Variants in DSCAML1 observed in about 807,000 individuals in gnomAD.
DSCAML1 encodes DS cell adhesion molecule like 1.
A neutral mutation model predicts 200.5 loss-of-function variants in DSCAML1; 38 were observed. The observed-to-expected ratio is 0.19, with a 90% CI of 0.15 to 0.25. DSCAML1 has a LOEUF of 0.25. Among genes scored for constraint, DSCAML1 ranks in the 10% least tolerant of loss-of-function variants. DSCAML1 has a pLI of 1.00. For missense variants in DSCAML1, 2,223 were observed against 2,858.8 expected (o/e 0.78, Z 5.07); for synonymous variants, 1,215 against 1,165.0 (o/e 1.04, Z -0.87).
At chr11:117,661,060 T>C (rs560890717) in intron 3 of DSCAML1, among the ~76,000 whole-genome samples, 13 of 152,290 alleles carry the variant, frequency 8.5e-5, no homozygotes, top group Middle Eastern at 3.4e-3. Flanking sequence ...TTTGCTTTCT[T>C]AGAAATAGTG....
At chr11:117,700,191 G>A (rs2053643604) in intron 3 of DSCAML1, among the ~76,000 whole-genome samples, 1 of 152,206 alleles carries the variant, frequency 6.6e-6, no homozygotes, top group African/African-American at 2.4e-5. Flanking sequence ...GAATGAATGA[G>A]TTTATTCATC....
chr11:117,523,430 C>T (rs781193549), intron 5 of DSCAML1, among the ~76,000 whole-genome samples: 39 of 152,284 alleles, frequency 2.6e-4, no homozygotes, highest in South Asian at 2.1e-4. Flanking sequence ...CTTGTTTGTA[C>T]GAGAGGAACC....
intron 3 of DSCAML1, among the ~76,000 whole-genome samples, chr11:117,669,213 G>C (rs955161188): frequency 2.0e-5 from 3 of 152,216 alleles, no homozygotes; most frequent in Admixed American, 6.5e-5. Context: ...CTGCTGGGGA[G>C]TGCAGCCCTC....
chr11:117,809,275 T>C (rs1565295329), intron 1 of DSCAML1, among the ~76,000 whole-genome samples: 1 of 152,338 alleles, frequency 6.6e-6, no homozygotes, highest in East Asian at 1.9e-4. Context: ...AGCTGCCGCG[T>C]CTGCACTCCT....
chr11:117,714,832 A>G (rs2053920501), intron 3 of DSCAML1, among the ~76,000 whole-genome samples: 1 of 150,234 alleles, frequency 6.7e-6, no homozygotes, highest in Admixed American at 6.6e-5. Context: ...TGAGGAAAAA[A>G]AAAAAAAAAA....
chr11:117,486,421 GAAAATGGCGGATGT>G (rs1290734616), intron 11 of DSCAML1, among the ~76,000 whole-genome samples: 7 of 150,536 alleles, frequency 4.7e-5, no homozygotes, highest in African/African-American at 7.3e-5. Context: ...TGGCGGATGT[GAAAATGGCGGATGT>G]GAAAGTGGCA....
chr11:117,560,307 C>A (rs139393985), intron 3 of DSCAML1, among the ~76,000 whole-genome samples: 1 of 152,082 alleles, frequency 6.6e-6, no homozygotes, highest in African/African-American at 2.4e-5. Flanking sequence ...TCAGGAGGTG[C>A]GCCACTAAGC....
Position 117,780,424 on chromosome 11 carries a change from C to G in DSCAML1, c.364+69G>C. The G allele has an allele frequency of 7.5e-7, 1 of 1,336,952 alleles. No individual in the cohort carries two copies. The highest frequency in any genetic ancestry group is 3.0e-5 in the Admixed American group (1 of 33,504). 82.8% of individuals were successfully genotyped at this position (1,336,952 alleles called of 1,614,324 possible). On this transcript the variant is annotated intron_variant, in intron 2 of 32. Transcript: ENST00000651296. The surrounding 1 kb of genome is among the most constrained non-coding windows in gnomAD (Gnocchi z 4.8). ...GTGAACGACTTCTTGCAAGCCCCTC[C>G]GAATATCCTCAGAATGACGGCGCAG...
At chr11:117,644,065 C>T (rs886346226) in intron 3 of DSCAML1, among the ~76,000 whole-genome samples, 1 of 152,204 alleles carries the variant, frequency 6.6e-6, no homozygotes, top group Non-Finnish European at 1.5e-5. Flanking sequence ...CCCAAGAGCC[C>T]GCCTTCTTTC....
chr11:117,799,108 C>A (rs1211680499), upstream of DSCAML1, among the ~76,000 whole-genome samples: 3 of 152,166 alleles, frequency 2.0e-5, no homozygotes, highest in African/African-American at 7.2e-5. Flanking sequence ...AGTGACAGAG[C>A]CCTCACGTTT....
At chr11:117,738,061 GCC>G (rs1285761124) in intron 3 of DSCAML1, among the ~76,000 whole-genome samples, 2 of 152,214 alleles carry the variant, frequency 1.3e-5, no homozygotes, top group Non-Finnish European at 2.9e-5. Context: ...GATGATGACT[GCC>G]TGAAACAGGC....
At chr11:117,510,703 A>T (rs1027135518) in intron 8 of DSCAML1, among the ~76,000 whole-genome samples, 1 of 152,154 alleles carries the variant, frequency 6.6e-6, no homozygotes, top group African/African-American at 2.4e-5. Context: ...AGCTGTATTC[A>T]TAGAACCTAA....
At chr11:117,774,774 G>C (rs571288078) in intron 3 of DSCAML1, among the ~76,000 whole-genome samples, 6 of 152,248 alleles carry the variant, frequency 3.9e-5, no homozygotes, top group Admixed American at 2.6e-4. Flanking sequence ...CACACAGGTT[G>C]AAAAAACAGA....
intron 11 of DSCAML1, among the ~76,000 whole-genome samples, chr11:117,487,528 A>G (rs1490581159): frequency 3.3e-5 from 5 of 152,208 alleles, no homozygotes; most frequent in Non-Finnish European, 7.3e-5. Context: ...TGCAGAGGGC[A>G]GTACTGAACA....
In DSCAML1 at chr11:117,433,122, G is replaced by T; in HGVS notation, c.5026+16C>A. The T allele has an allele frequency of 6.2e-7, 1 of 1,607,538 alleles. No homozygotes were observed. The highest frequency in any genetic ancestry group is 8.5e-7 in the Non-Finnish European group (1 of 1,174,488). ...ACACCCAGCAGGACAGGGAACTTGT[G>T]GCACCTGTCACTCACCCAGTTGCTT... is the stretch of plus-strand genomic sequence containing the variant. On this transcript the variant is annotated intron_variant, in intron 29 of 32. Coordinates refer to ENST00000651296, the MANE Select transcript of DSCAML1 (RefSeq NM_020693.4).
chr11:117,696,930 T>C (rs1182553082), intron 3 of DSCAML1, among the ~76,000 whole-genome samples: 3 of 152,214 alleles, frequency 2.0e-5, no homozygotes, highest in Non-Finnish European at 2.9e-5. Context: ...TGCTGGCATT[T>C]AAGCAGCCTG....
At position 117,649,039 on chromosome 11, in the gene DSCAML1, ATATGTGTG is replaced by A. The variant is rs1483659724; in HGVS notation, c.512-116525_512-116518del. 3.0e-4 allele frequency among the ~76,000 whole-genome samples: 39 copies of A among 131,542 alleles called. 1 individual carries two copies. Among genetic ancestry groups the A allele is most frequent in the African/African-American group, 1.2e-3 (37 of 31,534 alleles). 86.3% of individuals were successfully genotyped at this position (131,542 alleles called of 152,430 possible). A position where few individuals can be genotyped will look rare whatever the true frequency, so the allele number is the denominator to read the frequency against. ...CCTCTCGCTCTCTCTCTCTCCATAT[ATATGTGTG>A]TGTGTGTGTGTGTGTGTGTGTGTGT... On this transcript the variant is annotated intron_variant, in intron 3 of 32. Transcript: ENST00000651296.
chr11:117,720,972 C>T (rs1286967420), intron 3 of DSCAML1, among the ~76,000 whole-genome samples: 1 of 152,318 alleles, frequency 6.6e-6, no homozygotes, highest in South Asian at 2.1e-4. Context: ...TACTGGCCCT[C>T]TCATAAGCAA....
At chr11:117,766,563 C>T (rs551047080) in intron 3 of DSCAML1, among the ~76,000 whole-genome samples, 28 of 152,242 alleles carry the variant, frequency 1.8e-4, no homozygotes, top group Admixed American at 1.5e-3. Context: ...TAAAGAATTC[C>T]GCTCTGATTT....
Sources: allele counts gnomAD v4.1 joint callset (sites outside exome capture counted in the v4.1 genomes callset), GRCh38; gene constraint gnomAD v4.1.1; non-coding constraint Gnocchi (gnomAD v3.1); transcripts MANE v1.5; gene names NCBI Gene and HGNC (gene_info 2026-07-23, HGNC 2026-07-21).